RPS6KC1: variants seen among roughly 807,000 people sequenced by gnomAD.
RPS6KC1 encodes ribosomal protein S6 kinase C1, also known as inactive ribosomal protein S6 kinase delta-1.
A neutral mutation model predicts 103.8 loss-of-function variants in RPS6KC1; 54 were observed. The ratio of observed to expected loss-of-function variants is 0.52; its 90% CI spans 0.42 to 0.65. The LOEUF (loss-of-function observed/expected upper bound fraction) is 0.65. Ranked by LOEUF, RPS6KC1 falls within the 30% of genes least tolerant of loss-of-function variation. RPS6KC1 has a pLI of 0.00. For missense variants in RPS6KC1, 1,151 were observed against 1,253.8 expected (o/e 0.92, Z 1.24); for synonymous variants, 439 against 438.7 (o/e 1.00, Z -0.01).
chr1:213,218,856 A>G (rs940464510), intron 8 of RPS6KC1, among the ~76,000 whole-genome samples: 19 of 152,244 alleles, frequency 1.2e-4, no homozygotes, highest in African/African-American at 4.6e-4. Context: ...CTTACACCTT[A>G]TAAAAAAATT....
At chr1:213,156,890 A>G (rs545249797) in intron 6 of RPS6KC1, among the ~76,000 whole-genome samples, 10 of 151,954 alleles carry the variant, frequency 6.6e-5, no homozygotes, top group Non-Finnish European at 1.2e-4. Flanking sequence ...TTTAAATTTC[A>G]TTTGTTTTCT....
At chr1:213,235,287 A>G (rs9645358) in intron 10 of RPS6KC1, among the ~76,000 whole-genome samples, 68,611 of 152,124 alleles carry the variant, frequency 0.45, 19,241 homozygotes, top group Non-Finnish European at 0.62. Flanking sequence ...GGACACAGAC[A>G]TAGTTCTAAT....
the RPS6KC1 span, among the ~76,000 whole-genome samples, chr1:213,330,255 C>T: frequency 5.9e-5 from 9 of 152,208 alleles, no homozygotes; most frequent in Non-Finnish European, 1.2e-4. Context: ...GTTGGGTTAC[C>T]GACCTTCTAT....
the RPS6KC1 span, among the ~76,000 whole-genome samples, chr1:213,439,043 C>T: frequency 6.6e-6 from 1 of 151,992 alleles, no homozygotes; most frequent in Non-Finnish European, 1.5e-5. Flanking sequence ...ATCCACCCGC[C>T]TCGGCCTCCC....
chr1:213,605,494 G>A, the RPS6KC1 span, among the ~76,000 whole-genome samples: 2 of 152,188 alleles, frequency 1.3e-5, no homozygotes, highest in Non-Finnish European at 2.9e-5. Flanking sequence ...CACTATTGCT[G>A]AGTGGCCCTC....
the RPS6KC1 span, among the ~76,000 whole-genome samples, chr1:213,648,242 T>C: frequency 6.6e-6 from 1 of 152,178 alleles, no homozygotes; most frequent in South Asian, 2.1e-4. Context: ...TCTGCTGCAT[T>C]GCCCTTGAGT....
the RPS6KC1 span, among the ~76,000 whole-genome samples, chr1:213,704,976 G>A: frequency 6.6e-6 from 1 of 152,206 alleles, no homozygotes; most frequent in Non-Finnish European, 1.5e-5. Context: ...AACAAATGGA[G>A]TCTCTCTCTC....
At chr1:213,494,147 A>G in the RPS6KC1 span, among the ~76,000 whole-genome samples, 5 of 152,072 alleles carry the variant, frequency 3.3e-5, no homozygotes, top group Non-Finnish European at 4.4e-5. Flanking sequence ...GGCTACAGAA[A>G]TGGTTGGGAC....
the RPS6KC1 span, among the ~76,000 whole-genome samples, chr1:213,426,972 A>C: frequency 6.6e-6 from 1 of 152,202 alleles, no homozygotes; most frequent in Admixed American, 6.5e-5. Context: ...TTGAGTTATA[A>C]ATAAAAGGCA....
At chr1:213,615,840 G>A in the RPS6KC1 span, among the ~76,000 whole-genome samples, 1 of 152,254 alleles carries the variant, frequency 6.6e-6, no homozygotes, top group African/African-American at 2.4e-5. Context: ...TCTCCATGGG[G>A]ACTTGAGAGA....
At chr1:213,777,504 A>G in the RPS6KC1 span, among the ~76,000 whole-genome samples, 1 of 152,184 alleles carries the variant, frequency 6.6e-6, no homozygotes. Context: ...GGCACCCCAA[A>G]ACAATTATTA....
chr1:213,789,103 T>G, the RPS6KC1 span, among the ~76,000 whole-genome samples: 2 of 152,154 alleles, frequency 1.3e-5, no homozygotes, highest in South Asian at 4.1e-4. Context: ...TCAGTTAAAA[T>G]GATGACCAAG....
chr1:213,196,409 A>T (rs865897220), intron 8 of RPS6KC1, among the ~76,000 whole-genome samples: 1 of 151,976 alleles, frequency 6.6e-6, no homozygotes, highest in South Asian at 2.1e-4. Context: ...TAGTTTGCAG[A>T]TATGTTTTCC....
intron 1 of RPS6KC1, among the ~76,000 whole-genome samples, chr1:213,059,686 T>G (rs990914885): frequency 2.6e-5 from 4 of 152,000 alleles, no homozygotes; most frequent in African/African-American, 9.7e-5. Context: ...CTAATTTTTT[T>G]TTTTTGAGAC....
At chr1:213,630,156 G>A in the RPS6KC1 span, among the ~76,000 whole-genome samples, 18 of 152,100 alleles carry the variant, frequency 1.2e-4, no homozygotes, top group African/African-American at 2.9e-4. Flanking sequence ...GGAAGTTCTC[G>A]TGGATAATAT....
At chr1:213,308,013 T>G in the RPS6KC1 span, among the ~76,000 whole-genome samples, 1 of 151,988 alleles carries the variant, frequency 6.6e-6, no homozygotes, top group Non-Finnish European at 1.5e-5. Flanking sequence ...TATGGCCAAA[T>G]TTAAAGAGAA....
At chr1:213,819,402 A>G in the RPS6KC1 span, 1 of 152,230 alleles carries the variant, frequency 6.6e-6, no homozygotes, top group Non-Finnish European at 1.5e-5. Flanking sequence ...TGTGTTTACA[A>G]ATGAAAATTC....
At chr1:213,230,381 A>G in intron 8 of RPS6KC1, 116 bp from the exon 9 acceptor site, 1 of 606,272 alleles carries the variant, frequency 1.6e-6, no homozygotes, top group South Asian at 2.6e-5. Flanking sequence ...AGAAATGAAC[A>G]ATTTTGGGGA....
the RPS6KC1 span, among the ~76,000 whole-genome samples, chr1:213,650,986 TG>T: frequency 2.3e-5 from 1 of 42,636 alleles, no homozygotes; most frequent in African/African-American, 9.0e-5. Context: ...GTGTTGGGGG[TG>T]GGGTGGAGGT....
Sources: gnomAD v4.1 joint callset for allele counts (sites outside exome capture counted in the v4.1 genomes callset) on GRCh38, gnomAD v4.1.1 for gene constraint, MANE v1.5 for transcripts, NCBI Gene and HGNC (gene_info 2026-07-23, HGNC 2026-07-21) for gene names.